PLXNA2: variants seen among roughly 807,000 people sequenced by gnomAD.
PLXNA2 encodes plexin A2.
PLXNA2 carries 91 observed loss-of-function variants against 193.5 expected under a neutral mutation model. The ratio of observed to expected loss-of-function variants is 0.47; its 90% confidence interval spans 0.40 to 0.56. The LOEUF (loss-of-function observed/expected upper bound fraction) is 0.56. Ranked by LOEUF, PLXNA2 falls within the 20% of genes least tolerant of loss-of-function variation. The pLI, the probability that PLXNA2 is intolerant of heterozygous loss-of-function variation, is 0.00. For synonymous variants in PLXNA2, 997 were observed against 1,027.3 expected, an observed-to-expected ratio of 0.97 and a Z score of 0.56; for missense variants, 1,995 against 2,503.2, an observed-to-expected ratio of 0.80 and a Z score of 4.33.
chr1:208,157,969 A>G (rs510965), intron 3 of PLXNA2, among the ~76,000 whole-genome samples: 118,036 of 152,130 alleles, frequency 0.78, 46,592 homozygotes, highest in Middle Eastern at 0.9. Context: ...AGCTTTCCAC[A>G]CCATCCTTGT....
At chr1:208,072,463 A>T (rs572988208) in intron 12 of PLXNA2, among the ~76,000 whole-genome samples, 1 of 152,218 alleles carries the variant, frequency 6.6e-6, no homozygotes, top group African/African-American at 2.4e-5. Flanking sequence ...CCTTGGCTTC[A>T]CCCTGATCTC....
chr1:208,143,371 G>A (rs185220006), intron 3 of PLXNA2, among the ~76,000 whole-genome samples: 1 of 152,320 alleles, frequency 6.6e-6, no homozygotes, highest in East Asian at 1.9e-4. Flanking sequence ...CTGATTCAGT[G>A]GGCATGAGGG....
intron 17 of PLXNA2, 45 bp from the exon 18 acceptor site, chr1:208,046,162 C>T (rs1378196961): frequency 7.6e-6 from 12 of 1,585,858 alleles, no homozygotes; most frequent in Middle Eastern, 3.5e-4. Flanking sequence ...GTGCCTGGCA[C>T]AGAGCCCAGG....
chr1:208,030,829 C>T (rs1304037488), intron 29 of PLXNA2: 5 of 985,430 alleles, frequency 5.1e-6, no homozygotes, highest in Non-Finnish European at 6.0e-6. Flanking sequence ...AGCTCTTGGC[C>T]GGGTCCTGTC....
chr1:208,060,266 C>T (rs999948587), intron 13 of PLXNA2, among the ~76,000 whole-genome samples: 2 of 152,202 alleles, frequency 1.3e-5, no homozygotes, highest in African/African-American at 4.8e-5. Flanking sequence ...AATGAATTTG[C>T]TCCAGCGGAG....
At chr1:208,239,591 C>T (rs988615939) in intron 1 of PLXNA2, among the ~76,000 whole-genome samples, 1 of 152,226 alleles carries the variant, frequency 6.6e-6, no homozygotes, top group African/African-American at 2.4e-5. Context: ...GGACTCACTT[C>T]AAACGGCCAA....
chr1:208,168,777 G>A (rs538388737), intron 3 of PLXNA2, among the ~76,000 whole-genome samples: 1 of 127,634 alleles, frequency 7.8e-6, no homozygotes, highest in Admixed American at 9.4e-5. Context: ...GCTCCTGAGA[G>A]ACTGATGGCT....
chr1:208,226,748 A>G (rs754870921), intron 1 of PLXNA2, among the ~76,000 whole-genome samples: 15 of 152,334 alleles, frequency 9.8e-5, no homozygotes, highest in Non-Finnish European at 1.8e-4. Context: ...ACTAAAATAC[A>G]AGAACAATCA....
intron 2 of PLXNA2, among the ~76,000 whole-genome samples, chr1:208,215,440 G>T (rs893862129): frequency 1.3e-5 from 2 of 152,144 alleles, no homozygotes; most frequent in Non-Finnish European, 2.9e-5. Context: ...TGGATAGATG[G>T]AGGGCTAGGT....
chr1:208,220,013 G>C (rs529767306), intron 1 of PLXNA2, among the ~76,000 whole-genome samples: 4 of 152,350 alleles, frequency 2.6e-5, no homozygotes, highest in Non-Finnish European at 5.9e-5. Flanking sequence ...AAATTCTCCA[G>C]CTGGATGGGG....
At chr1:208,110,760 C>T (rs1352288492) in intron 4 of PLXNA2, among the ~76,000 whole-genome samples, 1 of 152,146 alleles carries the variant, frequency 6.6e-6, no homozygotes, top group African/African-American at 2.4e-5. Flanking sequence ...CAGCGGGGTC[C>T]AGACAGACAG....
intron 9 of PLXNA2, among the ~76,000 whole-genome samples, chr1:208,086,429 T>C (rs1250414521): frequency 1.3e-5 from 2 of 152,032 alleles, no homozygotes; most frequent in Admixed American, 6.6e-5. Flanking sequence ...GAAATAGTCA[T>C]GGGTTTTGGA....
In PLXNA2 at chr1:208,093,868, C is replaced by T. The variant is rs890101998; in HGVS notation, c.1983-968G>A. 3.3e-5 allele frequency among the ~76,000 whole-genome samples: 5 copies of T among 152,168 alleles called. 1 individual carries two copies. Among genetic ancestry groups the T allele is most frequent in the Non-Finnish European group, 7.4e-5 (5 of 68,024 alleles). On this transcript the variant is annotated intron_variant, in intron 8 of 31. Transcript: ENST00000367033. The stretch of plus-strand genomic sequence containing the variant: ...AGGGGGGATTAGTCTTGCTCCTCCT[C>T]GCAGCCCCCTTACTCTATCTAGTCT...
At chr1:208,119,361 C>T (rs550171777) in intron 4 of PLXNA2, among the ~76,000 whole-genome samples, 36 of 152,304 alleles carry the variant, frequency 2.4e-4, no homozygotes, top group South Asian at 4.2e-4. Context: ...GAAAGGTGTC[C>T]GGATGCTCTG....
rs556999529 is a variant in PLXNA2 at position 208,078,611 on chromosome 1, A to G, written c.2586+649T>C. Among the ~76,000 whole-genome samples, 21 of 152,292 alleles carry G rather than the reference A, an allele frequency of 1.4e-4. 1 individual carries two copies. In the South Asian group the frequency reaches 2.7e-3, roughly 20 times the overall value. ...CAGTGAAGAGGGAGCACAGAACACAACCAAAGTTAAATACAGCAACTCCTC... is the reference window on the plus strand; with the variant it reads ...CAGTGAAGAGGGAGCACAGAACACAGCCAAAGTTAAATACAGCAACTCCTC... On this transcript the variant is annotated intron_variant, in intron 12 of 31. Coordinates refer to ENST00000367033, the MANE Select transcript of PLXNA2 (RefSeq NM_025179.4).
rs927652916 is a variant in PLXNA2 at position 208,236,448 on chromosome 1, A to G, written c.-81+7195T>C. ...GCTGGTCCTGCTGCCTCTATAAGGC[A>G]AGGCAGGGCTTTTCTACACACCCCT... On this transcript the variant is annotated intron_variant, in intron 1 of 31. Transcript: ENST00000367033. The surrounding 1 kb of genome is among the most constrained non-coding windows in gnomAD (Gnocchi z 4.4). 6.6e-6 allele frequency among the ~76,000 whole-genome samples: 1 copy of G among 152,134 alleles called. No homozygotes were observed. The highest frequency in any genetic ancestry group is 2.4e-5 in the African/African-American group (1 of 41,416).
intron 29 of PLXNA2, chr1:208,030,228 G>C (rs1431682995): frequency 1.0e-6 from 1 of 985,464 alleles, no homozygotes; most frequent in East Asian, 1.1e-4. Context: ...GCCTTGGGTA[G>C]TTTCTGGTAA....
chr1:208,120,238 G>C (rs1246859460), intron 4 of PLXNA2, among the ~76,000 whole-genome samples: 2 of 152,200 alleles, frequency 1.3e-5, no homozygotes, highest in African/African-American at 2.4e-5. Context: ...AGTTGGAAGA[G>C]CATAACAAAG....
chr1:208,107,920 T>C (rs1033015989), intron 4 of PLXNA2, among the ~76,000 whole-genome samples: 2 of 152,100 alleles, frequency 1.3e-5, no homozygotes, highest in African/African-American at 4.8e-5. Context: ...TTGACATTCT[T>C]TTCTGCTTGA....
Sources: gnomAD v4.1 joint callset for allele counts (sites outside exome capture counted in the v4.1 genomes callset) on GRCh38, gnomAD v4.1.1 for gene constraint, Gnocchi (gnomAD v3.1) non-coding constraint, MANE v1.5 for transcripts, NCBI Gene and HGNC (gene_info 2026-07-23, HGNC 2026-07-21) for gene names.